Variants in PLCB1 observed in about 807,000 individuals in gnomAD.
PLCB1 encodes 1-phosphatidylinositol 4,5-bisphosphate phosphodiesterase beta-1.
A neutral mutation model predicts 161.8 loss-of-function variants in PLCB1; 46 were observed. The ratio of observed to expected loss-of-function variants is 0.28; its 90% confidence interval spans 0.22 to 0.36. The LOEUF (loss-of-function observed/expected upper bound fraction) is 0.36. Ranked by LOEUF, PLCB1 falls within the 10% of genes least tolerant of loss-of-function variation. The probability of loss-of-function intolerance (pLI) is 1.00; values close to 1 mark genes in which losing one functional copy is unlikely to be tolerated. For synonymous variants in PLCB1, 517 were observed against 503.7 expected, an observed-to-expected ratio of 1.03 and a Z score of -0.35; for missense variants, 1,016 against 1,472.5, an observed-to-expected ratio of 0.69 and a Z score of 5.07.
At chr20:8,152,458 A>G (rs943324850) in intron 2 of PLCB1, among the ~76,000 whole-genome samples, 3 of 152,152 alleles carry the variant, frequency 2.0e-5, no homozygotes, top group South Asian at 2.1e-4. Flanking sequence ...GCATGCAAAT[A>G]AAAGATGGCA....
chr20:8,631,920 A>G (rs915649852), intron 4 of PLCB1, among the ~76,000 whole-genome samples: 2 of 152,058 alleles, frequency 1.3e-5, no homozygotes, highest in Non-Finnish European at 2.9e-5. Flanking sequence ...TTAAAAGTCA[A>G]GAAGAACACA....
chr20:8,374,166 G>A (rs929751700), intron 3 of PLCB1, among the ~76,000 whole-genome samples: 4 of 152,124 alleles, frequency 2.6e-5, no homozygotes, highest in Non-Finnish European at 5.9e-5. Context: ...CCAGGTGGAG[G>A]TAATTGAATC....
At chr20:8,646,638 C>T (rs6118281) in intron 5 of PLCB1, among the ~76,000 whole-genome samples, 1 of 152,128 alleles carries the variant, frequency 6.6e-6, no homozygotes, top group Admixed American at 6.5e-5. Context: ...GGCTGACATC[C>T]TGATTCCATC....
chr20:8,415,606 C>A lies in PLCB1; in HGVS notation c.246+44156C>A, dbSNP rs557743174. On this transcript the variant is annotated intron_variant, in intron 3 of 31. Transcript: ENST00000338037. ...ATGAGTGGGCCACTGATACGAACAA[C>A]TGGGGTTCAACCCCTCTTGGGGCCA... is the stretch of plus-strand genomic sequence containing the variant. Among the ~76,000 whole-genome samples the A allele has an allele frequency of 2.0e-5, 3 of 152,264 alleles. No homozygotes were observed. In the South Asian group the frequency reaches 6.2e-4, roughly 32 times the overall value.
At chr20:8,566,650 T>C (rs1600157867) in intron 3 of PLCB1, among the ~76,000 whole-genome samples, 1 of 152,258 alleles carries the variant, frequency 6.6e-6, no homozygotes, top group South Asian at 2.1e-4. Flanking sequence ...ATTATTGAAT[T>C]TCCTTGGAAT....
chr20:8,668,812 A>T (rs1989877678), intron 9 of PLCB1, among the ~76,000 whole-genome samples: 1 of 152,194 alleles, frequency 6.6e-6, no homozygotes, highest in Non-Finnish European at 1.5e-5. Context: ...GTCTGCTATG[A>T]TATTATTACC....
At chr20:8,515,280 A>G (rs979842398) in intron 3 of PLCB1, among the ~76,000 whole-genome samples, 1 of 152,254 alleles carries the variant, frequency 6.6e-6, no homozygotes, top group African/African-American at 2.4e-5. Flanking sequence ...TCATTATAAC[A>G]GCAGTTTTAT....
At chr20:8,855,352 T>C (rs1469034186) in intron 31 of PLCB1, among the ~76,000 whole-genome samples, 1 of 152,142 alleles carries the variant, frequency 6.6e-6, no homozygotes, top group African/African-American at 2.4e-5. Flanking sequence ...TCTAACTCTT[T>C]GGTCAAATCC....
chr20:8,521,035 A>G (rs910744854), intron 3 of PLCB1, among the ~76,000 whole-genome samples: 14 of 152,216 alleles, frequency 9.2e-5, no homozygotes, highest in Admixed American at 9.2e-4. Flanking sequence ...GCAATAGCAG[A>G]TATATCTAAG....
chr20:8,524,117 T>G (rs1984489133), intron 3 of PLCB1, among the ~76,000 whole-genome samples: 1 of 152,038 alleles, frequency 6.6e-6, no homozygotes, highest in South Asian at 2.1e-4. Context: ...TGCTATGTAT[T>G]AAAAGCCTTC....
chr20:8,527,066 T>C (rs6055881), intron 3 of PLCB1, among the ~76,000 whole-genome samples: 92,529 of 151,968 alleles, frequency 0.61, 28,938 homozygotes, highest in African/African-American at 0.73. Context: ...CAGACACATC[T>C]GGGTGATGCC....
chr20:8,716,079 G>C (rs985470641), intron 12 of PLCB1, 185 bp from the exon 13 acceptor site: 2 of 591,528 alleles, frequency 3.4e-6, no homozygotes, highest in South Asian at 2.1e-5. Context: ...TGCCTTCGCT[G>C]TCCATCTGTG....
chr20:8,572,282 G>A (rs2123053707), intron 3 of PLCB1, among the ~76,000 whole-genome samples: 1 of 152,240 alleles, frequency 6.6e-6, no homozygotes, highest in African/African-American at 2.4e-5. Context: ...CCAGCCTTCT[G>A]TACCTTCAGC....
At chr20:8,616,155 C>T (rs1600194093) in intron 3 of PLCB1, among the ~76,000 whole-genome samples, 1 of 152,292 alleles carries the variant, frequency 6.6e-6, no homozygotes, top group Middle Eastern at 3.4e-3. Context: ...CCATCCTTCC[C>T]CCGTTTAAAG....
At chr20:8,432,264 C>T (rs576295213) in intron 3 of PLCB1, among the ~76,000 whole-genome samples, 13 of 152,256 alleles carry the variant, frequency 8.5e-5, no homozygotes, top group African/African-American at 3.1e-4. Context: ...CAGGTTCCAC[C>T]CAGGAATAGG....
intron 3 of PLCB1, among the ~76,000 whole-genome samples, chr20:8,519,674 C>T (rs918697886): frequency 9.2e-5 from 14 of 152,134 alleles, no homozygotes; most frequent in Admixed American, 6.5e-5. Context: ...TATATTCTTA[C>T]TTGAGAAACA....
intron 2 of PLCB1, among the ~76,000 whole-genome samples, chr20:8,360,888 A>T (rs1302979662): frequency 6.6e-6 from 1 of 152,236 alleles, no homozygotes; most frequent in Non-Finnish European, 1.5e-5. Context: ...CAGAAAAAAA[A>T]TTGTGATACA....
intron 4 of PLCB1, among the ~76,000 whole-genome samples, chr20:8,629,879 CTCTCTCTTTCTT>C (rs1568536074): frequency 5.6e-5 from 5 of 89,836 alleles, no homozygotes; most frequent in Admixed American, 1.1e-4. Context: ...CTTTCTTTCT[CTCTCTCTTTCTT>C]TTCTTTCTTT....
chr20:8,269,692 A>G (rs1406280068), intron 2 of PLCB1, among the ~76,000 whole-genome samples: 1 of 152,118 alleles, frequency 6.6e-6, no homozygotes, highest in Non-Finnish European at 1.5e-5. Context: ...ATCTCTATCC[A>G]GATACAAAGA....
Sources: gnomAD v4.1 joint callset for allele counts (sites outside exome capture counted in the v4.1 genomes callset) on GRCh38, gnomAD v4.1.1 for gene constraint, MANE v1.5 for transcripts, NCBI Gene and HGNC (gene_info 2026-07-23, HGNC 2026-07-21) for gene names.